HTR2C: variants seen among roughly 807,000 people sequenced by gnomAD.
HTR2C encodes 5-hydroxytryptamine receptor 2C, also known as 5-hydroxytryptamine (serotonin) receptor 2C, G protein-coupled.
HTR2C carries 5 observed loss-of-function variants against 21.0 expected under a neutral mutation model. That is an observed-to-expected ratio of 0.24 (90% CI 0.12 to 0.50). The LOEUF (loss-of-function observed/expected upper bound fraction) is 0.50, where lower values mean the gene tolerates loss of function less well. Ranked by LOEUF, HTR2C falls within the 20% of genes least tolerant of loss-of-function variation. The pLI is 0.98. For missense variants in HTR2C, 271 were observed against 371.2 expected, an observed-to-expected ratio of 0.73 and a Z score of 2.22; for synonymous variants, 150 against 145.3, an observed-to-expected ratio of 1.03 and a Z score of -0.23.
chrX:114,692,335 C>T (rs1218869165), intron 2 of HTR2C, among the ~76,000 whole-genome samples: 2 of 111,803 alleles, frequency 1.8e-5, no homozygotes, highest in African/African-American at 6.5e-5. Context: ...GTGAGTTCTA[C>T]AGTCAACGAC....
Position 114,872,112 on chromosome X carries a change from C to T in HTR2C, c.550+23909C>T, listed in dbSNP as rs1253727188. Among the ~76,000 whole-genome samples, 12 of 110,019 alleles carry T rather than the reference C, an allele frequency of 1.1e-4. No individual in the cohort carries two copies. The Admixed American group carries it at 1.2e-3, about 11-fold the overall frequency. On this transcript the variant is annotated intron_variant, in intron 5 of 5. Transcript: ENST00000276198. ...TTTGTTGTACAGATTATTTCATTAC[C>T]CAGATATAAAGCCCAGTACCCAATT...
chrX:114,707,211 T>A (rs868940133), intron 2 of HTR2C, among the ~76,000 whole-genome samples: 1 of 110,934 alleles, frequency 9.0e-6, no homozygotes, highest in South Asian at 3.8e-4. Context: ...AATGGTAAAA[T>A]GATAGGAACT....
rs1242453479 is a variant in HTR2C, at chrX:114,602,057, C to T, written c.-146-11758C>T. ...GGTATAAAAGGTCTAAGAATTGGGA[C>T]AACTCAGGATATCTGATTAGAGAGT... is the stretch of plus-strand genomic sequence containing the variant. On this transcript the variant is annotated intron_variant, in intron 1 of 5. Transcript: ENST00000276198. 1.2e-4 allele frequency among the ~76,000 whole-genome samples: 11 copies of T among 94,743 alleles called. No homozygotes were observed. In the East Asian group the frequency reaches 2.5e-3, roughly 21 times the overall value. 82.3% of individuals were successfully genotyped at this position (94,743 alleles called of 115,157 possible). A position where few individuals can be genotyped will look rare whatever the true frequency, so the allele number is the denominator to read the frequency against.
chrX:114,764,727 C>T (rs1474381563), intron 4 of HTR2C, among the ~76,000 whole-genome samples: 1 of 111,614 alleles, frequency 9.0e-6, no homozygotes, highest in Non-Finnish European at 1.9e-5. Context: ...GCACCTCCTA[C>T]GTTTTCTTCC....
chrX:114,865,943 G>A (rs2071042203), intron 5 of HTR2C, among the ~76,000 whole-genome samples: 2 of 110,911 alleles, frequency 1.8e-5, no homozygotes, highest in Non-Finnish European at 3.8e-5. Flanking sequence ...AGCCTCCTGA[G>A]TAGCTAGGAT....
chrX:114,622,647 A>G (rs1929210742), intron 2 of HTR2C, among the ~76,000 whole-genome samples: 1 of 111,972 alleles, frequency 8.9e-6, no homozygotes, highest in South Asian at 3.7e-4. Flanking sequence ...TTTTACTACC[A>G]TTTAACAGAT....
intron 4 of HTR2C, among the ~76,000 whole-genome samples, chrX:114,768,233 A>G (rs2069965014): frequency 9.0e-6 from 1 of 110,802 alleles, no homozygotes; most frequent in East Asian, 2.8e-4. Context: ...CTCTTTTATA[A>G]ATGACTTTTA....
In HTR2C at chrX:114,785,546, G is replaced by A. The variant is rs782293986; in HGVS notation, c.349+53939G>A. ...TTTGCAGATTGATATGGAGAGAATG[G>A]ACTTTTCCATAAGTGGCTCTGGAAA... On this transcript the variant is annotated intron_variant, in intron 4 of 5. Transcript: ENST00000276198. Among the ~76,000 whole-genome samples the A allele has an allele frequency of 9.0e-5, 10 of 111,585 alleles. No individual in the cohort carries two copies. In the South Asian group the frequency reaches 3.7e-3, roughly 42 times the overall value.
At chrX:114,759,719 G>C (rs2069847444) in intron 4 of HTR2C, among the ~76,000 whole-genome samples, 1 of 110,999 alleles carries the variant, frequency 9.0e-6, no homozygotes, top group African/African-American at 3.3e-5. Flanking sequence ...TAAGTGCTTT[G>C]TACAAACTCA....
At chrX:114,866,068 C>T (rs1556474489) in intron 5 of HTR2C, among the ~76,000 whole-genome samples, 5 of 111,465 alleles carry the variant, frequency 4.5e-5, no homozygotes, top group South Asian at 3.7e-4. Flanking sequence ...CTGCCTTCCT[C>T]GGCCTCCCAA....
chrX:114,724,361 T>C (rs188349829), intron 2 of HTR2C, among the ~76,000 whole-genome samples: 2 of 102,916 alleles, frequency 1.9e-5, no homozygotes, highest in East Asian at 3.2e-4. Flanking sequence ...CGTTTTCCAT[T>C]TGCCTGGTAG....
At position 114,806,715 on chromosome X, in the gene HTR2C, G is replaced by GATATATACACCATATATATACACACCAT. The variant is rs1406343944; in HGVS notation, c.350-41249_350-41222dup. Among the ~76,000 whole-genome samples the GATATATACACCATATATATACACACCAT allele has an allele frequency of 9.1e-4, 84 of 92,071 alleles. 1 individual carries two copies. The highest frequency in any genetic ancestry group is 3.1e-3 in the African/African-American group (78 of 24,831). 80.0% of individuals were successfully genotyped at this position (92,071 alleles called of 115,157 possible). On this transcript the variant is annotated intron_variant, in intron 4 of 5. Coordinates refer to ENST00000276198, the MANE Select transcript of HTR2C (RefSeq NM_000868.4). ...ATACACCATATATACACACCATATA[G>GATATATACACCATATATATACACACCAT]ATATATACACCATATATATACACAC...
At chrX:114,654,307 TATATATC>T (rs1480628953) in intron 2 of HTR2C, among the ~76,000 whole-genome samples, 4 of 107,329 alleles carry the variant, frequency 3.7e-5, no homozygotes, top group African/African-American at 1.3e-4. Flanking sequence ...ATATATAACA[TATATATC>T]ATATATATAA....
At chrX:114,599,180 T>C in intron 1 of HTR2C, among the ~76,000 whole-genome samples, 1 of 43,906 alleles carries the variant, frequency 2.3e-5, no homozygotes, top group East Asian at 1.4e-3. Context: ...ATGTGAATAC[T>C]TTCAAAATTA....
At chrX:114,796,647 A>C (rs1483223648) in intron 4 of HTR2C, among the ~76,000 whole-genome samples, 10 of 111,513 alleles carry the variant, frequency 9.0e-5, no homozygotes, top group African/African-American at 2.6e-4. Flanking sequence ...CCATCTAATA[A>C]ATTTCTCAGA....
chrX:114,790,916 A>T (rs1556443355), intron 4 of HTR2C, among the ~76,000 whole-genome samples: 1 of 111,754 alleles, frequency 8.9e-6, no homozygotes, highest in East Asian at 2.8e-4. Flanking sequence ...TGGAATTTTT[A>T]AAATAAGCAA....
At chrX:114,770,894 C>G (rs1462201726) in intron 4 of HTR2C, among the ~76,000 whole-genome samples, 1 of 105,018 alleles carries the variant, frequency 9.5e-6, no homozygotes, top group Non-Finnish European at 1.9e-5. Context: ...CTCCGCCTCC[C>G]AGGTTCAAGT....
intron 5 of HTR2C, among the ~76,000 whole-genome samples, chrX:114,851,361 A>G (rs1184330862): frequency 3.6e-5 from 4 of 112,321 alleles, no homozygotes; most frequent in Non-Finnish European, 7.5e-5. Flanking sequence ...TTCAAAAGAA[A>G]TAGAAATGAC....
chrX:114,759,040 A>G (rs1220285444), intron 4 of HTR2C, among the ~76,000 whole-genome samples: 1 of 111,405 alleles, frequency 9.0e-6, no homozygotes, highest in Non-Finnish European at 1.9e-5. Context: ...TACACCCTGC[A>G]TTTTTCAATA....
Sources: gnomAD v4.1 joint callset for allele counts (sites outside exome capture counted in the v4.1 genomes callset) on GRCh38, gnomAD v4.1.1 for gene constraint, MANE v1.5 for transcripts, NCBI Gene and HGNC (gene_info 2026-07-23, HGNC 2026-07-21) for gene names.